Variants in TTC7B observed in about 807,000 individuals in gnomAD.
TTC7B encodes tetratricopeptide repeat domain 7B.
A neutral mutation model predicts 106.8 loss-of-function variants in TTC7B; 28 were observed. The ratio of observed to expected loss-of-function variants is 0.26; its 90% CI spans 0.19 to 0.36. The LOEUF is 0.36. Ranked by LOEUF, TTC7B falls within the 10% of genes least tolerant of loss-of-function variation. The pLI is 1.00. For synonymous variants in TTC7B, 405 were observed against 430.6 expected (o/e 0.94, Z 0.74); for missense variants, 862 against 1,076.4 (o/e 0.80, Z 2.79).
chr14:90,562,789 C>A (rs1341873201), intron 19 of TTC7B, among the ~76,000 whole-genome samples: 1 of 152,176 alleles, frequency 6.6e-6, no homozygotes, highest in Non-Finnish European at 1.5e-5. Flanking sequence ...CTAGCCTTTC[C>A]ACACTCAAAC....
At chr14:90,782,119 C>T (rs1304968077) in intron 2 of TTC7B, among the ~76,000 whole-genome samples, 2 of 152,160 alleles carry the variant, frequency 1.3e-5, no homozygotes, top group African/African-American at 2.4e-5. Flanking sequence ...TCTCAGCCAG[C>T]GTGGTCGGCT....
At chr14:90,655,394 T>G (rs1040950346) in intron 11 of TTC7B, among the ~76,000 whole-genome samples, 1 of 152,234 alleles carries the variant, frequency 6.6e-6, no homozygotes, top group Non-Finnish European at 1.5e-5. Flanking sequence ...TTCATCTTTA[T>G]TTTTTACTGA....
chr14:90,699,023 T>C (rs1002283097), intron 5 of TTC7B: 2 of 353,640 alleles, frequency 5.7e-6, no homozygotes, highest in Non-Finnish European at 1.1e-5. Context: ...CCAGGGCTTG[T>C]CTGCTGATTC....
intron 5 of TTC7B, among the ~76,000 whole-genome samples, chr14:90,725,552 T>C (rs1359153518): frequency 6.6e-6 from 1 of 152,218 alleles, no homozygotes; most frequent in African/African-American, 2.4e-5. Context: ...ATTTGTTTGA[T>C]TATAAAAACA....
At chr14:90,799,955 G>C (rs186481847) in intron 1 of TTC7B, among the ~76,000 whole-genome samples, 14 of 151,948 alleles carry the variant, frequency 9.2e-5, no homozygotes, top group Admixed American at 4.6e-4. Context: ...TCAGCCTCCC[G>C]AGTAGCTGGG....
At chr14:90,763,760 A>G (rs891479121) in intron 3 of TTC7B, among the ~76,000 whole-genome samples, 1 of 152,204 alleles carries the variant, frequency 6.6e-6, no homozygotes, top group South Asian at 2.1e-4. Flanking sequence ...ATAATAACAT[A>G]AAAAAGAACT....
At chr14:90,658,069 G>A (rs1279330674) in intron 10 of TTC7B, 1 of 533,330 alleles carries the variant, frequency 1.9e-6, no homozygotes, top group African/African-American at 1.9e-5. Context: ...ACCTGATGAA[G>A]TCACAATGAC....
intron 19 of TTC7B, among the ~76,000 whole-genome samples, chr14:90,547,541 A>T (rs1199831158): frequency 6.6e-6 from 1 of 152,232 alleles, no homozygotes; most frequent in Non-Finnish European, 1.5e-5. Flanking sequence ...CACGCCTGTA[A>T]TCCCAGCAGT....
At chr14:90,612,440 C>T (rs942625680) in intron 16 of TTC7B, among the ~76,000 whole-genome samples, 6 of 152,126 alleles carry the variant, frequency 3.9e-5, no homozygotes, top group Admixed American at 3.3e-4. Context: ...TACAGTGAAA[C>T]GATGACATAT....
At chr14:90,668,084 A>C (rs1468262760) in intron 9 of TTC7B, among the ~76,000 whole-genome samples, 1 of 150,784 alleles carries the variant, frequency 6.6e-6, no homozygotes, top group Non-Finnish European at 1.5e-5. Flanking sequence ...CCTTGTGCAA[A>C]TATTACCTGC....
intron 1 of TTC7B, among the ~76,000 whole-genome samples, chr14:90,795,169 A>C (rs1286339): frequency 0.11 from 17,218 of 152,164 alleles, 1,141 homozygotes; most frequent in African/African-American, 0.18. Context: ...ACTTCCAGCC[A>C]AGAAAGAGTA....
intron 15 of TTC7B, among the ~76,000 whole-genome samples, chr14:90,632,858 T>A (rs554271068): frequency 6.6e-6 from 1 of 152,342 alleles, no homozygotes; most frequent in East Asian, 1.9e-4. Context: ...GTTAAAAATG[T>A]GTAAAGTGTT....
chr14:90,534,568 C>G lies in TTC7B; in HGVS notation c.*6800G>C, dbSNP rs1379698944. The G allele has an allele frequency of 6.6e-6, 1 of 152,494 alleles. No individual in the cohort carries two copies. Among genetic ancestry groups the G allele is most frequent in the Non-Finnish European group, 1.5e-5 (1 of 68,266 alleles). The allele number at this position is 152,494 out of a possible 1,614,324, so 9.4% of individuals were successfully genotyped here. On this transcript the variant is annotated 3_prime_UTR_variant, in exon 20 of 20. Coordinates refer to ENST00000328459, the MANE Select transcript of TTC7B (RefSeq NM_001010854.2). ...TGGTGTCCCCTCACTGGGCAATGCCCACCCTGTCGGCCTTGAGAGGTGGTG... is the reference window on the plus strand; with the variant it reads ...TGGTGTCCCCTCACTGGGCAATGCCGACCCTGTCGGCCTTGAGAGGTGGTG...
chr14:90,547,493 C>A (rs938238681), intron 19 of TTC7B, among the ~76,000 whole-genome samples: 1 of 152,228 alleles, frequency 6.6e-6, no homozygotes, highest in African/African-American at 2.4e-5. Flanking sequence ...CAGAAGCCTG[C>A]AGGACAGAAG....
At chr14:90,743,253 T>C (rs1350346448) in intron 4 of TTC7B, among the ~76,000 whole-genome samples, 1 of 152,228 alleles carries the variant, frequency 6.6e-6, no homozygotes, top group African/African-American at 2.4e-5. Flanking sequence ...TCAAATGTTA[T>C]TCCCATCACT....
chr14:90,618,549 C>T (rs959105750), intron 15 of TTC7B, among the ~76,000 whole-genome samples: 6 of 152,234 alleles, frequency 3.9e-5, no homozygotes, highest in African/African-American at 1.4e-4. Flanking sequence ...AGGCCCTCAG[C>T]TCCTGTGTCT....
intron 19 of TTC7B, among the ~76,000 whole-genome samples, chr14:90,555,024 A>C (rs898318551): frequency 2.0e-5 from 3 of 152,142 alleles, no homozygotes; most frequent in African/African-American, 7.2e-5. Context: ...CAGGAGAAGG[A>C]GGGCAAGTAC....
At chr14:90,786,473 T>C (rs1006142938) in intron 1 of TTC7B, 145 bp from the exon 2 acceptor site, 8 of 821,600 alleles carry the variant, frequency 9.7e-6, no homozygotes, top group African/African-American at 3.5e-5. Context: ...CTTCATAGGG[T>C]CTAAGTGGGC....
chr14:90,766,496 C>G (rs1890686644), intron 3 of TTC7B: 2 of 685,516 alleles, frequency 2.9e-6, no homozygotes, highest in African/African-American at 1.8e-5. Flanking sequence ...AAATTCTGGA[C>G]AGGAGGCCTA....
Sources: allele counts gnomAD v4.1 joint callset (sites outside exome capture counted in the v4.1 genomes callset), GRCh38; gene constraint gnomAD v4.1.1; transcripts MANE v1.5; gene names NCBI Gene and HGNC (gene_info 2026-07-23, HGNC 2026-07-21).